The following INTS1 variants were observed in gnomAD, a reference collection of about 807,000 sequenced individuals.
INTS1 encodes integrator complex subunit 1.
A neutral mutation model predicts 241.6 loss-of-function variants in INTS1; 137 were observed. The observed-to-expected ratio is 0.57, with a 90% confidence interval of 0.49 to 0.65. The LOEUF (loss-of-function observed/expected upper bound fraction) is 0.65, where lower values mean the gene tolerates loss of function less well. INTS1 is among the 30% of genes least tolerant of loss of function. The pLI is 0.00. For synonymous variants in INTS1, 1,692 were observed against 1,337.8 expected, an observed-to-expected ratio of 1.26 and a Z score of -5.78; for missense variants, 3,073 against 3,032.2, an observed-to-expected ratio of 1.01 and a Z score of -0.32.
At position 1,497,207 on chromosome 7, in the gene INTS1, G is replaced by A; in HGVS notation, c.1533C>T (p.Asn511=). 6.2e-7 allele frequency: 1 copy of A among 1,612,878 alleles called. No individual in the cohort carries two copies. Among genetic ancestry groups the A allele is most frequent in the South Asian group, 1.1e-5 (1 of 90,944 alleles). ...TGAGCCCCAGGCAGAAGGCCTGGAAGTTGATCTCGTGCTTGGTCTGCTTGA... is the reference window on the plus strand; with the variant it reads ...TGAGCCCCAGGCAGAAGGCCTGGAAATTGATCTCGTGCTTGGTCTGCTTGA... ...EIIKQTKHEI[N]FQAFCLGLMQ... Residue 511 remains asparagine, a synonymous_variant, in exon 11 of 48, where the codon AAC becomes AAT. Transcript: ENST00000404767. The surrounding 1 kb of genome is among the most constrained non-coding windows in gnomAD (Gnocchi z 5.3).
At chr7:1,504,077 G>A (rs757138095) in intron 1 of INTS1, 76 bp from the exon 2 acceptor site, 169 of 792,878 alleles carry the variant, frequency 2.1e-4, no homozygotes, top group Middle Eastern at 1.7e-3. Context: ...CTTGCCGCAC[G>A]GGGCTTGGGC....
Position 1,485,368 on chromosome 7 carries a change from A to C in INTS1, c.3078T>G (p.Tyr1026Ter). The change falls in exon 23 of 48, where the codon TAT (tyrosine) becomes TAG (stop). Residue 1026 changes from tyrosine to a stop codon, truncating the protein, a stop_gained. Transcript: ENST00000404767. LOFTEE classifies it high-confidence loss of function. ...GAGGCAGGTCCCGCAGCAGCCACTG[A>C]TAGCCCTGCAGCACATCTGTGTCCC... is the stretch of plus-strand genomic sequence containing the variant. Reference protein sequence around the residue: ...DVGDTDVLQGYQWLLRDLPRL... With the variant: ...DVGDTDVLQG The C allele has an allele frequency of 1.9e-6, 3 of 1,612,664 alleles. No individual in the cohort carries two copies. The highest frequency in any genetic ancestry group is 2.5e-6 in the Non-Finnish European group (3 of 1,179,806).
chr7:1,470,320 C>A lies in INTS1; in HGVS notation c.*257G>T. Reference sequence around the variant, plus strand: ...ATTCAAAACCAGCCCAGGCCATGCCCGGGGGGATCCGCCGCTCCGCGGCAG... The same window carrying A: ...ATTCAAAACCAGCCCAGGCCATGCCAGGGGGGATCCGCCGCTCCGCGGCAG... On this transcript the variant is annotated 3_prime_UTR_variant, in exon 48 of 48. Transcript: ENST00000404767. 1 of 470,006 alleles carries A rather than the reference C, an allele frequency of 2.1e-6. No homozygotes were observed. Among genetic ancestry groups the A allele is most frequent in the Non-Finnish European group, 3.7e-6 (1 of 267,012 alleles). The allele number at this position is 470,006 out of a possible 1,614,324, so 29.1% of individuals were successfully genotyped here. A position where few individuals can be genotyped will look rare whatever the true frequency, so the allele number is the denominator to read the frequency against.
intron 46 of INTS1, 31 bp downstream of exon 46, chr7:1,471,102 G>A (rs1157024640): frequency 2.6e-6 from 4 of 1,543,826 alleles, no homozygotes; most frequent in Admixed American, 3.9e-5. Flanking sequence ...CCCAGCGGTG[G>A]CGGCGGGACA....
intron 14 of INTS1, 66 bp downstream of exon 14, chr7:1,494,750 C>T: frequency 6.7e-7 from 1 of 1,499,450 alleles, no homozygotes; most frequent in South Asian, 1.2e-5. Flanking sequence ...CCTGCCGCAG[C>T]CGGCCCGGCA....
chr7:1,483,666 G>A (rs758485168), intron 26 of INTS1, 76 bp downstream of exon 26: 33 of 1,135,728 alleles, frequency 2.9e-5, no homozygotes, highest in Admixed American at 7.1e-5. Flanking sequence ...GCAAGGATGC[G>A]GAAGCCGCTG....
chr7:1,476,051 C>A lies in INTS1; in HGVS notation c.5399G>T (p.Arg1800Leu), dbSNP rs1337007462. 6.5e-7 allele frequency: 1 copy of A among 1,544,734 alleles called. No individual in the cohort carries two copies. The highest frequency in any genetic ancestry group is 1.2e-5 in the South Asian group (1 of 84,000). Residue 1800 changes from arginine (R) to leucine (L), a missense_variant, in exon 39 of 48, where the codon CGA becomes CTA. By Grantham distance (102) the Arg-to-Leu change is moderately radical. Coordinates refer to ENST00000404767, the MANE Select transcript of INTS1 (RefSeq NM_001080453.3). ...TAGGTAGAGCTGCAGGAGAAGGTCT[C>A]GGCAGCGCCTGCCCAGCACGCTGGA... The part of the protein sequence containing the change: ...WGDSVLGRRC[R>L]DLLLQLYLQR...
chr7:1,487,285 C>A, intron 20 of INTS1, 35 bp downstream of exon 20: 1 of 1,563,716 alleles, frequency 6.4e-7, no homozygotes, highest in Non-Finnish European at 8.7e-7. Flanking sequence ...CCTCCCAAGA[C>A]CACCATCTCT....
In INTS1 at chr7:1,485,177, T is replaced by C. The variant is rs1340462570; in HGVS notation, c.3182A>G (p.Gln1061Arg). 6.2e-7 allele frequency: 1 copy of C among 1,600,676 alleles called. No individual in the cohort carries two copies. The highest frequency in any genetic ancestry group is 8.5e-7 in the Non-Finnish European group (1 of 1,179,620). ...QQAIHMETDP[Q>R]TISAYLIYLS... Reference sequence around the variant, plus strand: ...GTAGATCAGGTAGGCGCTGATGGTCTGGGGATCAGTCTCCATGTGGATTGC... The same window carrying C: ...GTAGATCAGGTAGGCGCTGATGGTCCGGGGATCAGTCTCCATGTGGATTGC... Residue 1061 changes from glutamine to arginine, a missense_variant, in exon 24 of 48, where the codon CAG becomes CGG. Gln to Arg is a conservative substitution (Grantham distance 43). Coordinates refer to ENST00000404767, the MANE Select transcript of INTS1 (RefSeq NM_001080453.3).
intron 18 of INTS1, among the ~76,000 whole-genome samples, chr7:1,488,344 C>T (rs1243650081): frequency 6.6e-6 from 1 of 152,204 alleles, no homozygotes; most frequent in African/African-American, 2.4e-5. Flanking sequence ...ACCTGCAGGG[C>T]AGGGACTCTC....
intron 10 of INTS1, among the ~76,000 whole-genome samples, chr7:1,498,093 G>A (rs1305885942): frequency 1.3e-5 from 2 of 152,214 alleles, no homozygotes; most frequent in Admixed American, 1.3e-4. Context: ...GCAGGAATGA[G>A]CTTGAAAAAT....
At chr7:1,494,761 C>T in intron 14 of INTS1, 55 bp downstream of exon 14, 8 of 1,526,280 alleles carry the variant, frequency 5.2e-6, no homozygotes, top group Non-Finnish European at 7.1e-6. Flanking sequence ...CGGCCCGGCA[C>T]CCCGCAGCCC....
Position 1,478,523 on chromosome 7 carries a change from T to C in INTS1, c.4490-17A>G. ...CCCCTCGCACTGTGGGAGGTCTGTG[T>C]GAGTGCCCTGTGGCTCCAGCCCTCA... On this transcript the variant is annotated splice_polypyrimidine_tract_variant and intron_variant, in intron 32 of 47. Coordinates refer to ENST00000404767, the MANE Select transcript of INTS1 (RefSeq NM_001080453.3). 2 of 1,605,754 alleles carry C rather than the reference T, an allele frequency of 1.2e-6. No individual in the cohort carries two copies. The highest frequency in any genetic ancestry group is 1.7e-6 in the Non-Finnish European group (2 of 1,177,030).
chr7:1,488,320 C>T (rs1394842206), intron 18 of INTS1, among the ~76,000 whole-genome samples: 1 of 152,178 alleles, frequency 6.6e-6, no homozygotes, highest in African/African-American at 2.4e-5. Flanking sequence ...TCTGCCCGCC[C>T]CATCCAGGGA....
At chr7:1,498,577 C>A (rs775521590) in intron 9 of INTS1, 24 bp from the exon 10 acceptor site, 11 of 1,612,076 alleles carry the variant, frequency 6.8e-6, no homozygotes, top group South Asian at 3.3e-5. Context: ...GGGTACAGAC[C>A]CTGTCCCCGC....
chr7:1,498,250 A>G lies in INTS1; in HGVS notation c.1425+162T>C, dbSNP rs568847952. On this transcript the variant is annotated intron_variant, in intron 10 of 47. Coordinates refer to ENST00000404767, the MANE Select transcript of INTS1 (RefSeq NM_001080453.3). ...GCTGCACCCACTCTAGAAACGGCTC[A>G]ACCTCATGCCCACGTGAGTTTCAAA... 2.7e-3 allele frequency: 2,981 copies of G among 1,109,424 alleles called. 6 individuals carry two copies. The highest frequency in any genetic ancestry group is 3.4e-3 in the Non-Finnish European group (2,711 of 788,928). The allele number at this position is 1,109,424 out of a possible 1,614,324, so 68.7% of individuals were successfully genotyped here. A position where few individuals can be genotyped will look rare whatever the true frequency, so the allele number is the denominator to read the frequency against.
intron 11 of INTS1, among the ~76,000 whole-genome samples, chr7:1,496,710 C>A (rs1027199815): frequency 1.4e-4 from 21 of 152,270 alleles, no homozygotes; most frequent in African/African-American, 5.1e-4. Flanking sequence ...GCAAAACAGG[C>A]CACCCCGGCA....
At position 1,474,790 on chromosome 7, in the gene INTS1, C is replaced by T. The variant is rs759166691; in HGVS notation, c.5551G>A (p.Asp1851Asn). ...RFITLLADTSDSRALENRGAD... is the reference protein window; with the variant it reads ...RFITLLADTSNSRALENRGAD... ...CCTCGGTTCTCCAACGCCCGGGAGTCGCTGGTGTCCGCAAGGAGCGTGATG... is the reference window on the plus strand; with the variant it reads ...CCTCGGTTCTCCAACGCCCGGGAGTTGCTGGTGTCCGCAAGGAGCGTGATG... Residue 1851 changes from aspartate to asparagine, a missense_variant, in exon 40 of 48, where the codon GAC becomes AAC. Transcript: ENST00000404767. The T allele has an allele frequency of 1.2e-5, 19 of 1,585,154 alleles. No individual in the cohort carries two copies. Among genetic ancestry groups the T allele is most frequent in the East Asian group, 4.6e-5 (2 of 43,428 alleles).
Position 1,499,315 on chromosome 7 carries a change from G to A in INTS1, c.890C>T (p.Thr297Met), listed in dbSNP as rs747608555. The change falls in exon 7 of 48, where the codon ACG becomes ATG. Residue 297 changes from threonine (T) to methionine (M), a missense_variant. Thr to Met is a moderately conservative substitution (Grantham distance 81, BLOSUM62 -1). Coordinates refer to ENST00000404767, the MANE Select transcript of INTS1 (RefSeq NM_001080453.3). Reference protein sequence around the residue: ...PSLTEEEDSQTELLIAEEKLS... With the variant: ...PSLTEEEDSQMELLIAEEKLS... ...CTTCTCCTCCGCGATCAGCAACTCCGTCTGGCTGTCCTCCTCCTCCGTGAG... is the reference window on the plus strand; with the variant it reads ...CTTCTCCTCCGCGATCAGCAACTCCATCTGGCTGTCCTCCTCCTCCGTGAG... 4.1e-5 allele frequency: 65 copies of A among 1,604,772 alleles called. No individual in the cohort carries two copies. The highest frequency in any genetic ancestry group is 8.9e-5 in the East Asian group (4 of 44,786).
Sources: allele counts gnomAD v4.1 joint callset (sites outside exome capture counted in the v4.1 genomes callset), GRCh38; gene constraint gnomAD v4.1.1; non-coding constraint Gnocchi (gnomAD v3.1); transcripts MANE v1.5; gene names NCBI Gene and HGNC (gene_info 2026-07-23, HGNC 2026-07-21).